The following ARHGEF10L variants were observed in gnomAD, a reference collection of about 807,000 sequenced individuals.
ARHGEF10L encodes rho guanine nucleotide exchange factor 10-like protein.
ARHGEF10L carries 69 observed loss-of-function variants against 141.2 expected under a neutral mutation model. The ratio of observed to expected loss-of-function variants is 0.49; its 90% CI spans 0.40 to 0.60. ARHGEF10L has a LOEUF of 0.60. Ranked by LOEUF, ARHGEF10L falls within the 20% of genes least tolerant of loss-of-function variation. The probability of loss-of-function intolerance (pLI) is 0.00; values close to 1 mark genes in which losing one functional copy is unlikely to be tolerated. For missense variants in ARHGEF10L, 1,482 were observed against 1,734.3 expected, an observed-to-expected ratio of 0.85 and a Z score of 2.58; for synonymous variants, 711 against 718.5, an observed-to-expected ratio of 0.99 and a Z score of 0.17.
chr1:17,581,333 GAAAA>G (rs2078542999), intron 2 of ARHGEF10L, among the ~76,000 whole-genome samples: 1 of 103,016 alleles, frequency 9.7e-6, no homozygotes, highest in Non-Finnish European at 2.1e-5. Flanking sequence ...AAAAAAAAAA[GAAAA>G]GAGAAAAAGA....
intron 25 of ARHGEF10L, among the ~76,000 whole-genome samples, chr1:17,664,017 G>A (rs1352198792): frequency 6.6e-6 from 1 of 152,212 alleles, no homozygotes; most frequent in African/African-American, 2.4e-5. Context: ...TGTGATAACT[G>A]TTGATTAACC....
intron 4 of ARHGEF10L, among the ~76,000 whole-genome samples, chr1:17,601,128 GGTACAAT>G (rs1160990599): frequency 6.6e-6 from 1 of 151,698 alleles, no homozygotes; most frequent in Non-Finnish European, 1.5e-5. Flanking sequence ...CCAGGTATTC[GGTACAAT>G]GTTCCCCACT....
At chr1:17,557,356 C>A (rs1042532394) in intron 1 of ARHGEF10L, among the ~76,000 whole-genome samples, 6 of 148,426 alleles carry the variant, frequency 4.0e-5, no homozygotes, top group South Asian at 2.2e-4. Flanking sequence ...AAAAAAAAAA[C>A]AAAAAAAACC....
intron 2 of ARHGEF10L, 52 bp downstream of exon 2, chr1:17,580,684 G>A (rs76578963): frequency 8.7e-6 from 14 of 1,609,314 alleles, no homozygotes; most frequent in East Asian, 2.2e-5. Context: ...GAAGGGGGCC[G>A]CTGGGGGCCG....
At position 17,640,213 on chromosome 1, in the gene ARHGEF10L, C is replaced by T. The variant is rs773540737; in HGVS notation, c.2183C>T (p.Pro728Leu). ...LPGKPDKSGR[P>L]ISFMVVFITP... ...CCTTCTCACCACAGGTCCGGCCGCCCCATTAGCTTCATGGTGGTTTTCATC... is the reference window on the plus strand; with the variant it reads ...CCTTCTCACCACAGGTCCGGCCGCCTCATTAGCTTCATGGTGGTTTTCATC... The change falls in exon 21 of 29, where the codon CCC becomes CTC. Residue 728 changes from proline to leucine, a missense_variant. Pro to Leu is a moderately conservative substitution (Grantham distance 98, BLOSUM62 -3). Transcript: ENST00000361221. 4 of 1,611,904 alleles carry T rather than the reference C, an allele frequency of 2.5e-6. No individual in the cohort carries two copies. Among genetic ancestry groups the T allele is most frequent in the Non-Finnish European group, 3.4e-6 (4 of 1,179,032 alleles).
At chr1:17,643,866 C>T (rs1386559954) in intron 21 of ARHGEF10L, among the ~76,000 whole-genome samples, 2 of 152,116 alleles carry the variant, frequency 1.3e-5, no homozygotes, top group Non-Finnish European at 2.9e-5. Context: ...TAGTACAGGG[C>T]CAGGATATCT....
chr1:17,598,679 T>C (rs1243631683), intron 4 of ARHGEF10L, among the ~76,000 whole-genome samples: 1 of 152,182 alleles, frequency 6.6e-6, no homozygotes, highest in Non-Finnish European at 1.5e-5. Flanking sequence ...ACATGGACTT[T>C]TTTTGTCAGG....
At chr1:17,635,938 A>G (rs1018719954) in intron 18 of ARHGEF10L, among the ~76,000 whole-genome samples, 2 of 152,094 alleles carry the variant, frequency 1.3e-5, no homozygotes, top group Non-Finnish European at 1.5e-5. Context: ...GCCACCCACA[A>G]TTCTGGAAAT....
At chr1:17,563,616 G>T (rs891632947) in intron 1 of ARHGEF10L, among the ~76,000 whole-genome samples, 2 of 152,088 alleles carry the variant, frequency 1.3e-5, no homozygotes, top group South Asian at 2.1e-4. Context: ...TAATAAATGT[G>T]GGTTGAATGA....
At chr1:17,659,101 G>A (rs1571328318) in intron 25 of ARHGEF10L, among the ~76,000 whole-genome samples, 5 of 152,156 alleles carry the variant, frequency 3.3e-5, no homozygotes. Flanking sequence ...GGAGTAGAGA[G>A]GCATGTTAGA....
chr1:17,664,535 C>A lies in ARHGEF10L; in HGVS notation c.2949C>A (p.Ala983=). Residue 983 remains alanine, a synonymous_variant, in exon 26 of 29, where the codon GCC becomes GCA. Coordinates refer to ENST00000361221, the MANE Select transcript of ARHGEF10L (RefSeq NM_018125.4). ...GCACCCTGTTGAGCCTGGAGGATGC[C>A]GTGTGGGCCAGCTGTGGGCCCCGGG... ...PVRTLLSLED[A]VWASCGPRVT... 1 of 1,608,514 alleles carries A rather than the reference C, an allele frequency of 6.2e-7. No homozygotes were observed. The highest frequency in any genetic ancestry group is 2.2e-5 in the East Asian group (1 of 44,802).
Position 17,630,384 on chromosome 1 carries a change from G to A in ARHGEF10L, c.1585-1937G>A, listed in dbSNP as rs561301463. Among the ~76,000 whole-genome samples, 31 of 152,352 alleles carry A rather than the reference G, an allele frequency of 2.0e-4. No homozygotes were observed. In the Middle Eastern group the frequency reaches 0.01, roughly 50 times the overall value. On this transcript the variant is annotated intron_variant, in intron 15 of 28. Coordinates refer to ENST00000361221, the MANE Select transcript of ARHGEF10L (RefSeq NM_018125.4). The stretch of plus-strand genomic sequence containing the variant: ...ACGGGACTTTCCTCTTCCAAGTTTT[G>A]GGTCATGGCACATTTGGCAGCCCTT...
At position 17,580,538 on chromosome 1, in the gene ARHGEF10L, GTCT is replaced by G. The variant is rs2078448216; in HGVS notation, c.-43-10_-43-8del. 1.2e-6 allele frequency: 2 copies of G among 1,611,476 alleles called. No homozygotes were observed. The highest frequency in any genetic ancestry group is 1.7e-5 in the Admixed American group (1 of 60,000). ...CTGACTCCAGCTAATGCGATTTCTG[GTCT>G]TCTTTCCACAGGTGTGTAGCTGGGA... On this transcript the variant is annotated splice_polypyrimidine_tract_variant and intron_variant, in intron 1 of 28. Coordinates refer to ENST00000361221, the MANE Select transcript of ARHGEF10L (RefSeq NM_018125.4).
In ARHGEF10L at chr1:17,634,992, G is replaced by T. The variant is rs571876118; in HGVS notation, c.1903G>T (p.Ala635Ser). 6.2e-7 allele frequency: 1 copy of T among 1,614,076 alleles called. No homozygotes were observed. The highest frequency in any genetic ancestry group is 1.1e-5 in the South Asian group (1 of 91,082). The change falls in exon 18 of 29, where the codon GCC (alanine) becomes TCC (serine). Residue 635 changes from alanine to serine, a missense_variant. Physicochemically the swap from Ala to Ser is moderately conservative, Grantham distance 99. This residue lies in a region of ARHGEF10L where 858 missense variants were observed against 966.3 expected (regional missense o/e 0.89). Coordinates refer to ENST00000361221, the MANE Select transcript of ARHGEF10L (RefSeq NM_018125.4). ...VLIQHSGAKK[A>S]SASGQAQNKV... ...CATCCAGCACTCAGGCGCCAAGAAGGCCTCTGCCTCAGGGCAGGCTCAGAG... is the reference window on the plus strand; with the variant it reads ...CATCCAGCACTCAGGCGCCAAGAAGTCCTCTGCCTCAGGGCAGGCTCAGAG...
chr1:17,649,699 A>G (rs974519019), intron 22 of ARHGEF10L, among the ~76,000 whole-genome samples: 1 of 152,202 alleles, frequency 6.6e-6, no homozygotes, highest in Non-Finnish European at 1.5e-5. Context: ...AAGGAAATAG[A>G]AAAGAGTGAG....
intron 26 of ARHGEF10L, among the ~76,000 whole-genome samples, chr1:17,666,190 T>C (rs1181264080): frequency 2.6e-5 from 4 of 152,212 alleles, no homozygotes; most frequent in Non-Finnish European, 4.4e-5. Context: ...GAGCCACGTT[T>C]AACCAAATAT....
Position 17,654,556 on chromosome 1 carries a change from TG to T in ARHGEF10L, c.2395-76del. On this transcript the variant is annotated intron_variant, in intron 22 of 28. Transcript: ENST00000361221. The surrounding 1 kb of genome is among the most constrained non-coding windows in gnomAD (Gnocchi z 4.3). ...GGATTCTAATCCAGGGAGAGTTGGA[TG>T]GGGCCCAGGAATCTGCCAAATATTG... 7.9e-7 allele frequency: 1 copy of T among 1,262,058 alleles called. No individual in the cohort carries two copies. The highest frequency in any genetic ancestry group is 1.2e-6 in the Non-Finnish European group (1 of 860,010). 78.2% of individuals were successfully genotyped at this position (1,262,058 alleles called of 1,614,324 possible). A position where few individuals can be genotyped will look rare whatever the true frequency, so the allele number is the denominator to read the frequency against.
rs915779680 is a variant in ARHGEF10L at position 17,545,204 on chromosome 1, G to A, written c.-44+5254G>A. ...CAGCTTGAAATTGGCCAGAGTGAGA[G>A]TATTTATATCACAGAAATTGGCAAA... On this transcript the variant is annotated intron_variant, in intron 1 of 28. Coordinates refer to ENST00000361221, the MANE Select transcript of ARHGEF10L (RefSeq NM_018125.4). Among the ~76,000 whole-genome samples the A allele has an allele frequency of 5.9e-5, 9 of 152,220 alleles. 1 individual carries two copies. Among genetic ancestry groups the A allele is most frequent in the African/African-American group, 2.2e-4 (9 of 41,520 alleles).
intron 13 of ARHGEF10L, among the ~76,000 whole-genome samples, chr1:17,624,942 AG>A (rs2060301364): frequency 1.3e-5 from 2 of 152,324 alleles, no homozygotes; most frequent in South Asian, 4.1e-4. Context: ...GGCTTCGAAA[AG>A]CTTCTGAGTT....
Sources: gnomAD v4.1 joint callset for allele counts (sites outside exome capture counted in the v4.1 genomes callset) on GRCh38, gnomAD v4.1.1 for gene constraint, gnomAD v4.1.1 regional missense constraint, Gnocchi (gnomAD v3.1) non-coding constraint, MANE v1.5 for transcripts, NCBI Gene and HGNC (gene_info 2026-07-23, HGNC 2026-07-21) for gene names.